The following RCAN2 variants were observed in gnomAD, a reference collection of about 807,000 sequenced individuals.
RCAN2 encodes the protein regulator of calcineurin 2.
Under a neutral mutation model 23.6 loss-of-function variants are expected in RCAN2, and 9 were observed. The observed-to-expected ratio is 0.38, with a 90% confidence interval of 0.23 to 0.67. The LOEUF (loss-of-function observed/expected upper bound fraction) is 0.67, where lower values mean the gene tolerates loss of function less well. Ranked by LOEUF, RCAN2 falls within the 30% of genes least tolerant of loss-of-function variation. The pLI is 0.51. For missense variants in RCAN2, 273 were observed against 302.3 expected, an observed-to-expected ratio of 0.90 and a Z score of 0.72; for synonymous variants, 109 against 115.7, an observed-to-expected ratio of 0.94 and a Z score of 0.37.
chr6:46,372,786 C>T (rs1199369398), intron 2 of RCAN2, among the ~76,000 whole-genome samples: 1 of 152,140 alleles, frequency 6.6e-6, no homozygotes, highest in Non-Finnish European at 1.5e-5. Flanking sequence ...CATTTTCCAG[C>T]CAAGAAAACA....
At chr6:46,406,106 G>A (rs999495952) in intron 2 of RCAN2, among the ~76,000 whole-genome samples, 6 of 152,024 alleles carry the variant, frequency 3.9e-5, no homozygotes, top group African/African-American at 1.2e-4. Context: ...CAGCTGGCCC[G>A]CAAGCGCTGC....
chr6:46,266,027 C>T (rs1360596542), intron 2 of RCAN2, among the ~76,000 whole-genome samples: 3 of 152,136 alleles, frequency 2.0e-5, no homozygotes, highest in East Asian at 1.9e-4. Flanking sequence ...AACAGATCAG[C>T]GGTGGCAGCA....
chr6:46,318,379 C>A (rs144601905), intron 2 of RCAN2, among the ~76,000 whole-genome samples: 80 of 151,976 alleles, frequency 5.3e-4, no homozygotes, highest in Non-Finnish European at 1.6e-4. Context: ...AGGATCAAGA[C>A]CTTTTTGAAA....
At chr6:46,299,305 A>G (rs1328430777) in intron 2 of RCAN2, among the ~76,000 whole-genome samples, 1 of 152,044 alleles carries the variant, frequency 6.6e-6, no homozygotes, top group Non-Finnish European at 1.5e-5. Flanking sequence ...ATCAATGCAT[A>G]TGGATTTCAA....
intron 4 of RCAN2, among the ~76,000 whole-genome samples, chr6:46,238,165 A>G (rs1370808520): frequency 2.0e-5 from 3 of 152,194 alleles, no homozygotes; most frequent in African/African-American, 7.2e-5. Context: ...AGGGAAGGAA[A>G]AAAAGTGTGT....
At chr6:46,280,230 A>T (rs2150338437) in intron 2 of RCAN2, among the ~76,000 whole-genome samples, 1 of 152,320 alleles carries the variant, frequency 6.6e-6, no homozygotes, top group South Asian at 2.1e-4. Flanking sequence ...ATCATTTTGA[A>T]TTGGAGAAGT....
chr6:46,249,317 C>CTTTTTTT (rs11331303), intron 2 of RCAN2, among the ~76,000 whole-genome samples: 4 of 97,080 alleles, frequency 4.1e-5, no homozygotes, highest in African/African-American at 4.1e-5. Flanking sequence ...TTCTTTCTTT[C>CTTTTTTT]TTTTTTTTTT....
chr6:46,346,688 G>T (rs1267099970), intron 2 of RCAN2, among the ~76,000 whole-genome samples: 1 of 151,774 alleles, frequency 6.6e-6, no homozygotes. Flanking sequence ...CATATAAAAA[G>T]CCTGAAAAAA....
intron 2 of RCAN2, among the ~76,000 whole-genome samples, chr6:46,281,525 G>A (rs953605641): frequency 2.0e-5 from 3 of 152,170 alleles, no homozygotes; most frequent in African/African-American, 7.2e-5. Context: ...CAAGTGAAAA[G>A]GGAGATTTGA....
At chr6:46,470,945 C>A (rs1172629308) in intron 1 of RCAN2, among the ~76,000 whole-genome samples, 1 of 152,196 alleles carries the variant, frequency 6.6e-6, no homozygotes, top group Non-Finnish European at 1.5e-5. Context: ...ACCACTCCAC[C>A]AGAAGGCACA....
intron 3 of RCAN2, among the ~76,000 whole-genome samples, chr6:46,248,047 G>A (rs1374989906): frequency 1.3e-5 from 2 of 152,130 alleles, no homozygotes; most frequent in African/African-American, 4.8e-5. Context: ...ATCTGAAGGT[G>A]GAAACCATAC....
chr6:46,474,524 T>C (rs1002678058), intron 1 of RCAN2, among the ~76,000 whole-genome samples: 3 of 152,092 alleles, frequency 2.0e-5, no homozygotes, highest in Admixed American at 6.6e-5. Context: ...GGCATATGGA[T>C]AGAAGACCAC....
At chr6:46,246,984 A>G (rs538430693) in intron 3 of RCAN2, 65 bp from the exon 4 acceptor site, 255 of 1,355,430 alleles carry the variant, frequency 1.9e-4, no homozygotes, top group Non-Finnish European at 2.4e-4. Flanking sequence ...ATGTTGGCAC[A>G]TTAAAACATG....
intron 2 of RCAN2, among the ~76,000 whole-genome samples, chr6:46,276,073 G>C (rs966282111): frequency 6.6e-6 from 1 of 152,158 alleles, no homozygotes; most frequent in Admixed American, 6.5e-5. Flanking sequence ...AGGCATGGTG[G>C]TGTGCACCTG....
At chr6:46,327,114 A>G (rs1428435703) in intron 2 of RCAN2, among the ~76,000 whole-genome samples, 3 of 152,248 alleles carry the variant, frequency 2.0e-5, no homozygotes, top group Non-Finnish European at 2.9e-5. Flanking sequence ...ATGAAAAAGC[A>G]AATGTCACTA....
chr6:46,481,066 C>A (rs1768846453), intron 1 of RCAN2, among the ~76,000 whole-genome samples: 2 of 152,108 alleles, frequency 1.3e-5, no homozygotes, highest in Admixed American at 1.3e-4. Context: ...GACTGAGTGC[C>A]CGCCATATGC....
At chr6:46,416,682 C>T (rs1209238186) in intron 2 of RCAN2, among the ~76,000 whole-genome samples, 1 of 151,794 alleles carries the variant, frequency 6.6e-6, no homozygotes, top group African/African-American at 2.4e-5. Flanking sequence ...CCACCATCCC[C>T]AGCTAATGTT....
At chr6:46,310,630 G>A (rs1482679306) in intron 2 of RCAN2, among the ~76,000 whole-genome samples, 2 of 152,012 alleles carry the variant, frequency 1.3e-5, no homozygotes, top group Non-Finnish European at 2.9e-5. Flanking sequence ...TTTCTCCATA[G>A]TACTGGCAAA....
At chr6:46,488,296 T>G (rs1044831521) in intron 1 of RCAN2, among the ~76,000 whole-genome samples, 3 of 152,262 alleles carry the variant, frequency 2.0e-5, no homozygotes, top group Admixed American at 2.0e-4. Context: ...GTCAGTCATC[T>G]GAGAATAACA....
Sources: gnomAD v4.1 joint callset for allele counts (sites outside exome capture counted in the v4.1 genomes callset) on GRCh38, gnomAD v4.1.1 for gene constraint, MANE v1.5 for transcripts, NCBI Gene and HGNC (gene_info 2026-07-23, HGNC 2026-07-21) for gene names.